CNTN4: variants seen among roughly 807,000 people sequenced by gnomAD.
CNTN4 encodes the protein contactin-4.
Under a neutral mutation model 122.5 loss-of-function variants are expected in CNTN4, and 77 were observed. That is an observed-to-expected ratio of 0.63 (90% CI 0.52 to 0.76). The LOEUF (loss-of-function observed/expected upper bound fraction) is 0.76. CNTN4 is among the 30% of genes least tolerant of loss of function. CNTN4 has a pLI of 0.00. For synonymous variants in CNTN4, 512 were observed against 447.0 expected, an observed-to-expected ratio of 1.15 and a Z score of -1.83; for missense variants, 1,256 against 1,259.1, an observed-to-expected ratio of 1.00 and a Z score of 0.04.
intron 7 of CNTN4, among the ~76,000 whole-genome samples, chr3:2,844,661 A>G (rs538874552): frequency 2.6e-5 from 4 of 152,340 alleles, no homozygotes; most frequent in South Asian, 2.1e-4. Context: ...TCTTAATGGA[A>G]TCAACTACAA....
chr3:2,643,067 A>C (rs796624380), intron 4 of CNTN4, among the ~76,000 whole-genome samples: 27 of 152,326 alleles, frequency 1.8e-4, no homozygotes, highest in African/African-American at 6.5e-4. Context: ...GAAGGGCTTA[A>C]ACAATGCACG....
intron 2 of CNTN4, among the ~76,000 whole-genome samples, chr3:2,185,280 T>C (rs2037197252): frequency 6.6e-6 from 1 of 152,180 alleles, no homozygotes; most frequent in Non-Finnish European, 1.5e-5. Context: ...GACACATTGC[T>C]CACCACGGTC....
At chr3:2,103,144 A>G (rs1322578584) in intron 2 of CNTN4, among the ~76,000 whole-genome samples, 1 of 151,626 alleles carries the variant, frequency 6.6e-6, no homozygotes, top group Non-Finnish European at 1.5e-5. Context: ...TGGGATCTGA[A>G]CCAGGTTCTC....
intron 3 of CNTN4, among the ~76,000 whole-genome samples, chr3:2,433,430 C>G (rs1045758263): frequency 2.6e-5 from 4 of 152,128 alleles, no homozygotes; most frequent in East Asian, 3.8e-4. Flanking sequence ...ATTTGTATGT[C>G]TACTTTAGAG....
chr3:2,932,197 G>A (rs911289782), intron 13 of CNTN4, among the ~76,000 whole-genome samples: 3 of 152,034 alleles, frequency 2.0e-5, no homozygotes, highest in Admixed American at 6.6e-5. Flanking sequence ...CTAACACGGT[G>A]AAACCCTCTC....
chr3:2,260,760 C>G lies in CNTN4; in HGVS notation c.-144-78418C>G, dbSNP rs146095161. On this transcript the variant is annotated intron_variant, in intron 2 of 24. Coordinates refer to ENST00000418658, the MANE Select transcript of CNTN4 (RefSeq NM_175607.3). Reference sequence around the variant, plus strand: ...TTTTTTTTGAGACAAGAGTCTCGCTCTCTGTCATCCAGGCTGGAGTGCAGT... The same window carrying G: ...TTTTTTTTGAGACAAGAGTCTCGCTGTCTGTCATCCAGGCTGGAGTGCAGT... Among the ~76,000 whole-genome samples the G allele has an allele frequency of 3.9e-3, 583 of 150,564 alleles. 2 individuals carry two copies. The highest frequency in any genetic ancestry group is 0.02 in the South Asian group (94 of 4,774).
chr3:2,429,058 G>T (rs139813303), intron 3 of CNTN4, among the ~76,000 whole-genome samples: 2 of 152,066 alleles, frequency 1.3e-5, no homozygotes, highest in Non-Finnish European at 2.9e-5. Flanking sequence ...ATTACCGATC[G>T]TCTGAAGCCT....
chr3:2,597,249 A>G (rs530913033), intron 4 of CNTN4, among the ~76,000 whole-genome samples: 29 of 152,276 alleles, frequency 1.9e-4, no homozygotes, highest in Non-Finnish European at 3.8e-4. Context: ...TTGTTATGAA[A>G]ATCACATTGA....
chr3:2,857,702 C>G (rs1302664512), intron 7 of CNTN4, among the ~76,000 whole-genome samples: 1 of 152,160 alleles, frequency 6.6e-6, no homozygotes, highest in Non-Finnish European at 1.5e-5. Flanking sequence ...CTCAGCCTCT[C>G]CAGACTCCTG....
intron 13 of CNTN4, among the ~76,000 whole-genome samples, chr3:2,947,362 A>T: frequency 6.6e-6 from 1 of 152,184 alleles, no homozygotes; most frequent in East Asian, 1.9e-4. Flanking sequence ...ATTCATTTTT[A>T]TGACCTGCTT....
chr3:2,952,346 C>T (rs1419314661), intron 13 of CNTN4, among the ~76,000 whole-genome samples: 1 of 152,186 alleles, frequency 6.6e-6, no homozygotes, highest in African/African-American at 2.4e-5. Context: ...GCATCAGAGC[C>T]AGAGCTTTGC....
chr3:2,619,247 C>T (rs1390970755), intron 4 of CNTN4, among the ~76,000 whole-genome samples: 1 of 152,172 alleles, frequency 6.6e-6, no homozygotes, highest in East Asian at 1.9e-4. Context: ...ATTCCCAAAA[C>T]AGTTTTCATC....
intron 5 of CNTN4, 27 bp downstream of exon 5, chr3:2,736,368 C>T: frequency 6.2e-7 from 1 of 1,605,182 alleles, no homozygotes; most frequent in Non-Finnish European, 8.5e-7. Context: ...GCATGTGTTT[C>T]CATGCATATA....
At chr3:2,623,942 G>A (rs990351398) in intron 4 of CNTN4, among the ~76,000 whole-genome samples, 2 of 152,132 alleles carry the variant, frequency 1.3e-5, no homozygotes, top group African/African-American at 4.8e-5. Flanking sequence ...ACCATTTACT[G>A]AAATTTAGCT....
chr3:2,517,726 C>T (rs114351491), intron 3 of CNTN4, among the ~76,000 whole-genome samples: 151 of 152,222 alleles, frequency 9.9e-4, no homozygotes, highest in African/African-American at 3.5e-3. Context: ...TTTGCCTCCT[C>T]GCTGGTTAGA....
In CNTN4 at chr3:2,726,695, G is replaced by A. The variant is rs1333061970; in HGVS notation, c.56-9520G>A. Among the ~76,000 whole-genome samples, 3 of 152,164 alleles carry A rather than the reference G, an allele frequency of 2.0e-5. 1 individual carries two copies. Among genetic ancestry groups the A allele is most frequent in the Non-Finnish European group, 4.4e-5 (3 of 68,022 alleles). ...CTAAATATAAATCGGAAAGTTTGCT[G>A]CAGTGGAGCGCTGGGTTGTTAGGGT... On this transcript the variant is annotated intron_variant, in intron 4 of 24. Transcript: ENST00000418658.
At chr3:2,704,283 C>T (rs1160561535) in intron 4 of CNTN4, among the ~76,000 whole-genome samples, 7 of 103,000 alleles carry the variant, frequency 6.8e-5, no homozygotes, top group Admixed American at 4.6e-4. Context: ...GGTGACAGAG[C>T]GAGACTTCAT....
chr3:2,675,296 TC>T (rs1407922438), intron 4 of CNTN4, among the ~76,000 whole-genome samples: 1 of 152,130 alleles, frequency 6.6e-6, no homozygotes, highest in Admixed American at 6.5e-5. Context: ...CCAAGCCTTT[TC>T]AGGCTCCGGG....
chr3:2,685,368 A>C (rs1271781624), intron 4 of CNTN4, among the ~76,000 whole-genome samples: 1 of 152,172 alleles, frequency 6.6e-6, no homozygotes, highest in East Asian at 1.9e-4. Flanking sequence ...CTTCAAATTC[A>C]AGAATACACG....
Sources: gnomAD v4.1 joint callset for allele counts (sites outside exome capture counted in the v4.1 genomes callset) on GRCh38, gnomAD v4.1.1 for gene constraint, MANE v1.5 for transcripts, NCBI Gene and HGNC (gene_info 2026-07-23, HGNC 2026-07-21) for gene names.